NAA35: variants seen among roughly 807,000 people sequenced by gnomAD.
NAA35 encodes MAK10 homolog, amino-acid N-acetyltransferase subunit.
Under a neutral mutation model 101.7 loss-of-function variants are expected in NAA35, and 18 were observed. The observed-to-expected ratio is 0.18, with a 90% CI of 0.12 to 0.26. The LOEUF (loss-of-function observed/expected upper bound fraction) is 0.26. Ranked by LOEUF, NAA35 falls within the 10% of genes least tolerant of loss-of-function variation. NAA35 has a pLI of 1.00. For synonymous variants in NAA35, 267 were observed against 273.1 expected (o/e 0.98, Z 0.22); for missense variants, 601 against 886.8 (o/e 0.68, Z 4.09).
chr9:85,941,392 C>G, intron 1 of NAA35, 119 bp downstream of exon 1: 1 of 985,496 alleles, frequency 1.0e-6, no homozygotes, highest in Non-Finnish European at 1.2e-6. Context: ...CCCGGCCCTC[C>G]CGCTGCGCGT....
At chr9:85,960,894 C>T (rs1164765762) in intron 5 of NAA35, among the ~76,000 whole-genome samples, 1 of 152,102 alleles carries the variant, frequency 6.6e-6, no homozygotes, top group Non-Finnish European at 1.5e-5. Flanking sequence ...CAGGAAGATT[C>T]ATGGTTTAGT....
intron 12 of NAA35, among the ~76,000 whole-genome samples, chr9:85,998,531 G>A (rs1301883095): frequency 6.6e-6 from 1 of 152,064 alleles, no homozygotes; most frequent in Non-Finnish European, 1.5e-5. Context: ...GAAGCTGCTA[G>A]GTACACTTTT....
chr9:85,979,267 T>C (rs1264962553), intron 11 of NAA35, among the ~76,000 whole-genome samples: 3 of 152,198 alleles, frequency 2.0e-5, no homozygotes, highest in African/African-American at 7.2e-5. Context: ...TTCCATTGGC[T>C]GGAACAGGAC....
At chr9:85,996,260 T>C (rs1831152259) in intron 11 of NAA35, 139 bp from the exon 12 acceptor site, 1 of 561,638 alleles carries the variant, frequency 1.8e-6, no homozygotes. Context: ...TTCTAAATTA[T>C]AAAATCTATT....
chr9:86,001,333 GT>G (rs773029386), intron 12 of NAA35, among the ~76,000 whole-genome samples: 3 of 152,166 alleles, frequency 2.0e-5, no homozygotes, highest in Non-Finnish European at 4.4e-5. Context: ...TATGTGCCAT[GT>G]GGTGATGAGA....
chr9:85,965,861 T>A (rs1490213581), intron 6 of NAA35, among the ~76,000 whole-genome samples: 1 of 152,170 alleles, frequency 6.6e-6, no homozygotes, highest in Non-Finnish European at 1.5e-5. Context: ...ATACACTTGT[T>A]TGCACTGTTG....
At position 85,955,055 on chromosome 9, in the gene NAA35, T is replaced by TTG. The variant is rs796098054; in HGVS notation, c.125-1304_125-1303insGT. Among the ~76,000 whole-genome samples the TTG allele has an allele frequency of 9.3e-5, 14 of 150,954 alleles. No individual in the cohort carries two copies. In the South Asian group the frequency reaches 1.5e-3, roughly 16 times the overall value. On this transcript the variant is annotated intron_variant, in intron 2 of 22. Coordinates refer to ENST00000361671, the MANE Select transcript of NAA35 (RefSeq NM_024635.4). Reference sequence around the variant, plus strand: ...GCCTCAGCCTCCCAAGTAGCTGGGATTACAGGCACCCACCACCACACCTGG... The same window carrying TTG: ...GCCTCAGCCTCCCAAGTAGCTGGGATTGTACAGGCACCCACCACCACACCTGG...
intron 5 of NAA35, 50 bp from the exon 6 acceptor site, chr9:85,961,963 T>C (rs1391483902): frequency 2.0e-6 from 3 of 1,466,220 alleles, no homozygotes; most frequent in South Asian, 2.7e-5. Context: ...ATTTAGACTT[T>C]GCAGACTCAG....
intron 12 of NAA35, among the ~76,000 whole-genome samples, chr9:86,001,306 T>C (rs1033913683): frequency 2.0e-5 from 3 of 152,222 alleles, no homozygotes; most frequent in African/African-American, 7.2e-5. Flanking sequence ...TGTCCAATTA[T>C]GTGGTCGATA....
chr9:85,977,285 G>C, intron 9 of NAA35, 78 bp from the exon 10 acceptor site: 6 of 955,182 alleles, frequency 6.3e-6, no homozygotes, highest in Non-Finnish European at 1.0e-5. Flanking sequence ...TTGAGATTTA[G>C]GAGTTAATAT....
intron 20 of NAA35, 55 bp from the exon 21 acceptor site, chr9:86,018,644 T>G: frequency 1.9e-6 from 3 of 1,572,736 alleles, no homozygotes; most frequent in Non-Finnish European, 2.6e-6. Flanking sequence ...AGAAATGGGA[T>G]TTTAGAGTTG....
At chr9:85,959,333 G>A (rs763054217) in intron 4 of NAA35, among the ~76,000 whole-genome samples, 16 of 147,358 alleles carry the variant, frequency 1.1e-4, no homozygotes, top group African/African-American at 4.0e-4. Flanking sequence ...CCGAGATCAC[G>A]CCACCTGCAC....
In NAA35 at chr9:85,972,509, C is replaced by CAAA. The variant is rs34535924; in HGVS notation, c.517-2437_517-2435dup. ...CCTGGATGACAGTGAGACCCTGTCTCAAAAAAAAAAAAAAAAAAAAAAAGG... is the reference window on the plus strand; with the variant it reads ...CCTGGATGACAGTGAGACCCTGTCTCAAAAAAAAAAAAAAAAAAAAAAAAAAGG... On this transcript the variant is annotated intron_variant, in intron 6 of 22. Transcript: ENST00000361671. Among the ~76,000 whole-genome samples the CAAA allele has an allele frequency of 5.2e-3, 279 of 53,900 alleles. 6 individuals carry two copies. The highest frequency in any genetic ancestry group is 0.018 in the African/African-American group (247 of 13,548). The allele number at this position is 53,900 out of a possible 152,430, so 35.4% of individuals were successfully genotyped here.
rs529176002 is a variant in NAA35 at position 85,945,250 on chromosome 9, G to A, written c.124+2967G>A. 3.7e-4 allele frequency among the ~76,000 whole-genome samples: 56 copies of A among 152,094 alleles called. No individual in the cohort carries two copies. In the South Asian group the frequency reaches 0.01, roughly 28 times the overall value. ...TAGCTCTTGCACTGTGTTGAGTGGC[G>A]CAAATGTGAGGTATCCTTCTTGGAA... On this transcript the variant is annotated intron_variant, in intron 2 of 22. Transcript: ENST00000361671.
At chr9:85,941,584 G>C in intron 1 of NAA35, 2 of 986,016 alleles carry the variant, frequency 2.0e-6, no homozygotes, top group Non-Finnish European at 2.4e-6. Flanking sequence ...CAGGGCGGAA[G>C]GGAAGCGTGT....
At chr9:85,993,044 A>G (rs1446758275) in intron 11 of NAA35, among the ~76,000 whole-genome samples, 1 of 152,250 alleles carries the variant, frequency 6.6e-6, no homozygotes, top group African/African-American at 2.4e-5. Context: ...CACAATGGAT[A>G]TTATAATGGA....
chr9:85,942,087 C>T (rs1370466330), intron 1 of NAA35, 68 bp from the exon 2 acceptor site: 9 of 1,563,990 alleles, frequency 5.8e-6, no homozygotes, highest in Non-Finnish European at 6.9e-6. Context: ...GAAACAAACA[C>T]CCATTTCTGC....
At chr9:85,961,030 G>A (rs1462761354) in intron 5 of NAA35, among the ~76,000 whole-genome samples, 1 of 152,178 alleles carries the variant, frequency 6.6e-6, no homozygotes, top group Non-Finnish European at 1.5e-5. Context: ...GAGAGTGGTG[G>A]AGAAGGAGGA....
At chr9:86,007,075 T>C (rs1032606790) in intron 13 of NAA35, among the ~76,000 whole-genome samples, 3 of 152,218 alleles carry the variant, frequency 2.0e-5, no homozygotes, top group Admixed American at 6.5e-5. Context: ...ATACATTAGC[T>C]CATTTGACAT....
Sources: allele counts gnomAD v4.1 joint callset (sites outside exome capture counted in the v4.1 genomes callset), GRCh38; gene constraint gnomAD v4.1.1; transcripts MANE v1.5; gene names NCBI Gene and HGNC (gene_info 2026-07-23, HGNC 2026-07-21).